The following CELA2A variants were observed in gnomAD, a reference collection of about 807,000 sequenced individuals.
CELA2A encodes chymotrypsin like elastase 2A, also known as chymotrypsin-like elastase family member 2A.
CELA2A carries 31 observed loss-of-function variants against 35.3 expected under a neutral mutation model. The observed-to-expected ratio is 0.88, with a 90% CI of 0.66 to 1.19. The LOEUF is 1.19. CELA2A is among the 50% of genes most tolerant of loss of function. The pLI is 0.00. For synonymous variants in CELA2A, 150 were observed against 149.8 expected, an observed-to-expected ratio of 1.00 and a Z score of -0.01; for missense variants, 330 against 352.9, an observed-to-expected ratio of 0.94 and a Z score of 0.52.
chr1:15,472,082 A>G lies in CELA2A; in HGVS notation c.*75A>G. The G allele has an allele frequency of 1.3e-6, 2 of 1,583,420 alleles. No individual in the cohort carries two copies. Among genetic ancestry groups the G allele is most frequent in the Admixed American group, 1.7e-5 (1 of 59,932 alleles). ...AAAATAATATAATAAAGTGACAACTATGCAAATCACATCTTGATGAGAGAT... is the reference window on the plus strand; with the variant it reads ...AAAATAATATAATAAAGTGACAACTGTGCAAATCACATCTTGATGAGAGAT... On this transcript the variant is annotated 3_prime_UTR_variant, in exon 8 of 8. Coordinates refer to ENST00000359621, the MANE Select transcript of CELA2A (RefSeq NM_033440.3).
chr1:15,459,905 C>T (rs1476724717), intron 2 of CELA2A, among the ~76,000 whole-genome samples: 1 of 150,680 alleles, frequency 6.6e-6, no homozygotes, highest in East Asian at 1.9e-4. Flanking sequence ...TTGCTTGAGC[C>T]CAAGAGTTTG....
At chr1:15,463,294 C>G in intron 4 of CELA2A, 92 bp from the exon 5 acceptor site, 1 of 1,583,986 alleles carries the variant, frequency 6.3e-7, no homozygotes, top group Non-Finnish European at 8.6e-7. Flanking sequence ...TAACAGGGTA[C>G]AGGGAAGATG....
At chr1:15,465,248 T>G (rs1421212272) in intron 5 of CELA2A, among the ~76,000 whole-genome samples, 1 of 152,082 alleles carries the variant, frequency 6.6e-6, no homozygotes, top group Non-Finnish European at 1.5e-5. Context: ...TGACCTCAAG[T>G]GATCTGCCCA....
chr1:15,471,870 T>G (rs1708598078), intron 7 of CELA2A, 120 bp from the exon 8 acceptor site: 1 of 1,180,448 alleles, frequency 8.5e-7, no homozygotes. Flanking sequence ...CAGGAGCTAC[T>G]GTAGTGTGGG....
At chr1:15,469,006 C>G (rs1198273401) in intron 7 of CELA2A, among the ~76,000 whole-genome samples, 1 of 152,076 alleles carries the variant, frequency 6.6e-6, no homozygotes, top group Admixed American at 6.6e-5. Context: ...GGGGAAACCC[C>G]GTCTCTACTA....
intron 5 of CELA2A, among the ~76,000 whole-genome samples, chr1:15,464,024 C>A (rs563094262): frequency 6.6e-5 from 10 of 152,236 alleles, no homozygotes; most frequent in African/African-American, 2.4e-4. Context: ...TGCACTCCAG[C>A]CTGGGGGACA....
chr1:15,460,667 A>C (rs1440999562), intron 2 of CELA2A, among the ~76,000 whole-genome samples: 3 of 149,870 alleles, frequency 2.0e-5, no homozygotes, highest in African/African-American at 7.3e-5. Flanking sequence ...TTTTTTTTTT[A>C]AAGACCTGGT....
intron 6 of CELA2A, 112 bp downstream of exon 6, chr1:15,466,256 C>A: frequency 2.3e-6 from 3 of 1,280,192 alleles, no homozygotes; most frequent in East Asian, 2.3e-5. Context: ...AGAATTACCC[C>A]GAAACATGTT....
Position 15,466,107 on chromosome 1 carries a change from T to C in CELA2A, c.602T>C (p.Ile201Thr). The change falls in exon 6 of 8, where the codon ATC becomes ACC. Residue 201 changes from isoleucine to threonine, a missense_variant. Physicochemically the swap from Ile to Thr is moderately conservative, Grantham distance 89. Transcript: ENST00000359621. ...WWGSSVKTSM[I>T]CAGGDGVISS... ...GGCAGCAGCGTGAAAACCAGTATGA[T>C]CTGTGCTGGGGGTGATGGCGTGATC... 1 of 1,614,054 alleles carries C rather than the reference T, an allele frequency of 6.2e-7. No individual in the cohort carries two copies. The highest frequency in any genetic ancestry group is 8.5e-7 in the Non-Finnish European group (1 of 1,180,008).
chr1:15,462,659 T>C, intron 3 of CELA2A, 74 bp from the exon 4 acceptor site: 1 of 1,566,784 alleles, frequency 6.4e-7, no homozygotes, highest in Non-Finnish European at 8.7e-7. Context: ...AGCCAGTTAC[T>C]TGGGTCTATC....
At position 15,462,841 on chromosome 1, in the gene CELA2A, C is replaced by T; in HGVS notation, c.336C>T (p.Asn112=). The change falls in exon 4 of 8, where the codon AAC becomes AAT. Residue 112 remains asparagine (N), a synonymous_variant. Coordinates refer to ENST00000359621, the MANE Select transcript of CELA2A (RefSeq NM_033440.3). ...VSKIVVHKDW[N]SNQISKGNDI... is the part of the protein sequence containing the mutation. ...AGATTGTGGTGCACAAGGACTGGAA[C>T]TCCAACCAAATCTCCAAAGGGTTCG... is the stretch of plus-strand genomic sequence containing the variant. 6.2e-7 allele frequency: 1 copy of T among 1,614,148 alleles called. No homozygotes were observed. The highest frequency in any genetic ancestry group is 8.5e-7 in the Non-Finnish European group (1 of 1,180,014).
intron 7 of CELA2A, among the ~76,000 whole-genome samples, chr1:15,468,245 T>C (rs2103305895): frequency 6.6e-6 from 1 of 152,250 alleles, no homozygotes; most frequent in Admixed American, 6.5e-5. Context: ...TAGCATTAAT[T>C]ATTGGAAATT....
chr1:15,462,914 G>T, intron 4 of CELA2A, 53 bp downstream of exon 4: 1 of 1,612,468 alleles, frequency 6.2e-7, no homozygotes, highest in African/African-American at 1.3e-5. Flanking sequence ...GAACAGATGG[G>T]GGTCTCACAG....
At chr1:15,458,246 C>T (rs1211227643) in intron 2 of CELA2A, among the ~76,000 whole-genome samples, 5 of 152,098 alleles carry the variant, frequency 3.3e-5, no homozygotes, top group Admixed American at 1.3e-4. Context: ...AACTTTGAGA[C>T]GTTCACAAAG....
intron 7 of CELA2A, among the ~76,000 whole-genome samples, chr1:15,468,091 TAAAAAAAAAAAAA>T (rs35520894): frequency 2.3e-5 from 2 of 86,430 alleles, no homozygotes; most frequent in South Asian, 4.1e-4. Flanking sequence ...AAACTCCATC[TAAAAAAAAAAAAA>T]AAAAAAAAAA....
In CELA2A at chr1:15,470,233, G is replaced by C. The variant is rs189590321; in HGVS notation, c.793-1757G>C. Among the ~76,000 whole-genome samples the C allele has an allele frequency of 1.5e-3, 223 of 152,252 alleles. 1 individual carries two copies. The highest frequency in any genetic ancestry group is 5.2e-3 in the African/African-American group (216 of 41,550). On this transcript the variant is annotated intron_variant, in intron 7 of 7. Transcript: ENST00000359621. ...AACCTTGCAGTAGCCCCAACCCAGG[G>C]ACACAGTGTGTGCAGCCTGGAGTCA...
chr1:15,470,662 C>A (rs927470120), intron 7 of CELA2A, among the ~76,000 whole-genome samples: 2 of 152,152 alleles, frequency 1.3e-5, no homozygotes, highest in African/African-American at 2.4e-5. Flanking sequence ...CTCAATGCAA[C>A]CTCCACCTCC....
intron 4 of CELA2A, chr1:15,463,095 A>G (rs572006598): frequency 8.0e-5 from 59 of 734,300 alleles, no homozygotes; most frequent in East Asian, 2.4e-4. Context: ...TGCCAGTTAC[A>G]CCTGCAGGGC....
At position 15,456,765 on chromosome 1, in the gene CELA2A, G is replaced by C. The variant is rs368746546; in HGVS notation, c.12G>C (p.Thr4=). The C allele has an allele frequency of 2.4e-5, 38 of 1,614,154 alleles. No individual in the cohort carries two copies. The highest frequency in any genetic ancestry group is 4.5e-5 in the East Asian group (2 of 44,888). Reference sequence around the variant, plus strand: ...CCCACGGACACACCATGATAAGGACGCTGCTGCTGTCCACTTTGGTGGCTG... The same window carrying C: ...CCCACGGACACACCATGATAAGGACCCTGCTGCTGTCCACTTTGGTGGCTG... MIR[T]LLLSTLVAGA... is the part of the protein sequence containing the mutation. Residue 4 remains threonine (T), a synonymous_variant, in exon 1 of 8, where the codon ACG becomes ACC. Transcript: ENST00000359621.
Sources: gnomAD v4.1 joint callset for allele counts (sites outside exome capture counted in the v4.1 genomes callset) on GRCh38, gnomAD v4.1.1 for gene constraint, MANE v1.5 for transcripts, NCBI Gene and HGNC (gene_info 2026-07-23, HGNC 2026-07-21) for gene names.